Variants in KCNK13 observed in about 807,000 individuals in gnomAD.
KCNK13 encodes potassium channel subfamily K member 13.
Under a neutral mutation model 23.4 loss-of-function variants are expected in KCNK13, and 12 were observed. That is an observed-to-expected ratio of 0.51 (90% CI 0.33 to 0.83). The LOEUF (loss-of-function observed/expected upper bound fraction) is 0.83. Ranked by LOEUF, KCNK13 falls within the 40% of genes least tolerant of loss-of-function variation. The pLI, the probability that KCNK13 is intolerant of heterozygous loss-of-function variation, is 0.02. For synonymous variants in KCNK13, 231 were observed against 229.5 expected (o/e 1.01, Z -0.06); for missense variants, 463 against 556.3 (o/e 0.83, Z 1.69).
intron 1 of KCNK13, among the ~76,000 whole-genome samples, chr14:90,114,368 A>G (rs72699108): frequency 0.068 from 10,354 of 152,226 alleles, 445 homozygotes; most frequent in South Asian, 0.15. Flanking sequence ...TCACCTGAGG[A>G]GCTTTAACAA....
intron 1 of KCNK13, among the ~76,000 whole-genome samples, chr14:90,173,204 A>T (rs1890384879): frequency 6.6e-6 from 1 of 152,202 alleles, no homozygotes; most frequent in Admixed American, 6.5e-5. Flanking sequence ...GAGAATATGA[A>T]GAATATACTA....
chr14:90,081,836 T>C (rs1044130888), intron 1 of KCNK13, among the ~76,000 whole-genome samples: 2 of 152,126 alleles, frequency 1.3e-5, no homozygotes, highest in African/African-American at 4.8e-5. Context: ...GATGAGGACA[T>C]TAAGATCCAT....
At chr14:90,163,336 A>T (rs1890270526) in intron 1 of KCNK13, among the ~76,000 whole-genome samples, 1 of 152,202 alleles carries the variant, frequency 6.6e-6, no homozygotes. Context: ...TAAAACTAGA[A>T]ATTATGTCAT....
chr14:90,138,647 C>T (rs998317909), intron 1 of KCNK13, among the ~76,000 whole-genome samples: 1 of 152,200 alleles, frequency 6.6e-6, no homozygotes, highest in Non-Finnish European at 1.5e-5. Flanking sequence ...TTCAATGGGG[C>T]TTGACATAGG....
chr14:90,182,542 T>G (rs760890339), intron 1 of KCNK13, among the ~76,000 whole-genome samples: 2 of 152,070 alleles, frequency 1.3e-5, no homozygotes, highest in African/African-American at 2.4e-5. Context: ...AAAAACTGGG[T>G]TGGGTATGGT....
chr14:90,173,566 G>A (rs535249889), intron 1 of KCNK13, among the ~76,000 whole-genome samples: 1 of 152,196 alleles, frequency 6.6e-6, no homozygotes, highest in East Asian at 1.9e-4. Context: ...GGTGCAGTAA[G>A]GCCAGATATC....
intron 1 of KCNK13, among the ~76,000 whole-genome samples, chr14:90,141,810 G>A (rs1268813478): frequency 1.4e-5 from 2 of 140,892 alleles, no homozygotes; most frequent in East Asian, 4.3e-4. Context: ...GGGGGACGGA[G>A]CCTTGCTCTG....
chr14:90,156,213 A>G (rs1445872351), intron 1 of KCNK13, among the ~76,000 whole-genome samples: 1 of 151,708 alleles, frequency 6.6e-6, no homozygotes, highest in African/African-American at 2.4e-5. Flanking sequence ...CAAAAAAAAA[A>G]AAAACCTAAA....
intron 1 of KCNK13, among the ~76,000 whole-genome samples, chr14:90,150,399 G>A (rs961074488): frequency 5.3e-5 from 8 of 152,190 alleles, no homozygotes; most frequent in South Asian, 2.1e-4. Flanking sequence ...GACTGTTAGC[G>A]GCCAGGAGTT....
chr14:90,140,239 A>G (rs1889989604), intron 1 of KCNK13, among the ~76,000 whole-genome samples: 1 of 152,146 alleles, frequency 6.6e-6, no homozygotes. Context: ...GCCATCATGC[A>G]AGGCTCCTTA....
chr14:90,078,071 G>C (rs948156140), intron 1 of KCNK13, among the ~76,000 whole-genome samples: 2 of 152,136 alleles, frequency 1.3e-5, no homozygotes, highest in Non-Finnish European at 2.9e-5. Flanking sequence ...ACCATATTTT[G>C]AGAGGACTTA....
intron 1 of KCNK13, among the ~76,000 whole-genome samples, chr14:90,103,954 C>G (rs746488461): frequency 6.6e-5 from 10 of 152,202 alleles, no homozygotes; most frequent in Non-Finnish European, 1.5e-4. Flanking sequence ...TTTGCCCTTT[C>G]AGCTTCCATT....
At chr14:90,100,450 C>A (rs941514657) in intron 1 of KCNK13, among the ~76,000 whole-genome samples, 1 of 152,116 alleles carries the variant, frequency 6.6e-6, no homozygotes, top group Admixed American at 6.5e-5. Context: ...ATAAGGCCTA[C>A]TTCTGTTTGC....
chr14:90,095,734 A>G (rs1389004115), intron 1 of KCNK13, among the ~76,000 whole-genome samples: 1 of 152,130 alleles, frequency 6.6e-6, no homozygotes, highest in African/African-American at 2.4e-5. Context: ...CCTCTGCAGC[A>G]AACACCAGCT....
intron 1 of KCNK13, among the ~76,000 whole-genome samples, chr14:90,092,912 CAAAAAAAAA>C (rs34122207): frequency 0.028 from 2,198 of 78,446 alleles, 83 homozygotes; most frequent in African/African-American, 0.096. Flanking sequence ...ACCCTGTCTC[CAAAAAAAAA>C]AAAAAAAAAA....
intron 1 of KCNK13, among the ~76,000 whole-genome samples, chr14:90,081,781 T>C (rs960853555): frequency 6.6e-5 from 10 of 152,182 alleles, no homozygotes; most frequent in African/African-American, 2.4e-4. Context: ...ATGTTGAGGC[T>C]TGGTCCCAGT....
intron 1 of KCNK13, among the ~76,000 whole-genome samples, chr14:90,138,143 AT>A: frequency 6.6e-6 from 1 of 152,194 alleles, no homozygotes. Context: ...TTTCCATGCT[AT>A]TTTTTTCAAA....
At chr14:90,161,596 C>A (rs1352039905) in intron 1 of KCNK13, among the ~76,000 whole-genome samples, 1 of 152,142 alleles carries the variant, frequency 6.6e-6, no homozygotes, top group Non-Finnish European at 1.5e-5. Flanking sequence ...GAAGTAATTA[C>A]AACATTCTAC....
intron 1 of KCNK13, among the ~76,000 whole-genome samples, chr14:90,123,981 T>C (rs1889768235): frequency 6.6e-6 from 1 of 152,184 alleles, no homozygotes; most frequent in Non-Finnish European, 1.5e-5. Flanking sequence ...GGCATAGATA[T>C]TTTGTAAAAG....
Sources: gnomAD v4.1 joint callset for allele counts (sites outside exome capture counted in the v4.1 genomes callset) on GRCh38, gnomAD v4.1.1 for gene constraint, MANE v1.5 for transcripts, NCBI Gene and HGNC (gene_info 2026-07-23, HGNC 2026-07-21) for gene names.